The following ZNF280C variants were observed in gnomAD, a reference collection of about 807,000 sequenced individuals.
The protein encoded by ZNF280C is zinc finger protein 280C, also known as suppressor of hairy wing homolog 3.
A neutral mutation model predicts 53.6 loss-of-function variants in ZNF280C; 14 were observed. The observed-to-expected ratio is 0.26, with a 90% CI of 0.17 to 0.41. The LOEUF is 0.41. ZNF280C is among the 10% of genes least tolerant of loss of function. The probability of loss-of-function intolerance (pLI) is 1.00; values close to 1 mark genes in which losing one functional copy is unlikely to be tolerated. For synonymous variants in ZNF280C, 203 were observed against 181.1 expected (o/e 1.12, Z -0.97); for missense variants, 416 against 547.1 (o/e 0.76, Z 2.39).
At chrX:130,246,145 C>G (rs2032447951) in intron 3 of ZNF280C, among the ~76,000 whole-genome samples, 1 of 112,382 alleles carries the variant, frequency 8.9e-6, no homozygotes, top group Non-Finnish European at 1.9e-5. Flanking sequence ...ATTACTCTAA[C>G]AGAAATCTAA....
chrX:130,236,191 T>A (rs762054220), intron 8 of ZNF280C, 23 bp downstream of exon 8: 5 of 1,069,152 alleles, frequency 4.7e-6, no homozygotes, highest in South Asian at 4.1e-5. Flanking sequence ...TTTTTAACAA[T>A]TGAACTTTGA....
At chrX:130,242,075 T>C (rs754970705) in intron 5 of ZNF280C, among the ~76,000 whole-genome samples, 1 of 105,739 alleles carries the variant, frequency 9.5e-6, no homozygotes, top group East Asian at 3.0e-4. Context: ...AAACCCTGTC[T>C]CTACTAAAAA....
At chrX:130,243,963 G>T in intron 3 of ZNF280C, 98 bp from the exon 4 acceptor site, 1 of 528,339 alleles carries the variant, frequency 1.9e-6, no homozygotes, top group Non-Finnish European at 2.8e-6. Flanking sequence ...ACCAATAATT[G>T]AAGTATATTT....
intron 2 of ZNF280C, among the ~76,000 whole-genome samples, chrX:130,249,518 T>C (rs1352685933): frequency 8.9e-6 from 1 of 112,078 alleles, no homozygotes; most frequent in Non-Finnish European, 1.9e-5. Flanking sequence ...ATATCAGTCC[T>C]ACAAAATTAG....
chrX:130,203,169 A>C lies in ZNF280C; in HGVS notation c.*1808T>G, dbSNP rs902809723. On this transcript the variant is annotated 3_prime_UTR_variant, in exon 19 of 19. Coordinates refer to ENST00000370978, the MANE Select transcript of ZNF280C (RefSeq NM_017666.5). Reference sequence around the variant, plus strand: ...CTACACGAAATCTGTAGACAATTCTAAGAAATGTCTTGGAGTTTGTAATAA... The same window carrying C: ...CTACACGAAATCTGTAGACAATTCTCAGAAATGTCTTGGAGTTTGTAATAA... 1 of 111,704 alleles carries C rather than the reference A, an allele frequency of 9.0e-6. No homozygotes were observed. Among genetic ancestry groups the C allele is most frequent in the Non-Finnish European group, 1.9e-5 (1 of 53,166 alleles). 9.2% of individuals were successfully genotyped at this position (111,704 alleles called of 1,213,427 possible).
intron 2 of ZNF280C, among the ~76,000 whole-genome samples, chrX:130,251,436 A>G (rs779393175): frequency 9.0e-6 from 1 of 111,075 alleles, no homozygotes; most frequent in South Asian, 3.8e-4. Flanking sequence ...ACAATACAAA[A>G]ACAAAAGAAA....
intron 1 of ZNF280C, among the ~76,000 whole-genome samples, chrX:130,268,181 G>C (rs769942161): frequency 1.8e-4 from 20 of 111,443 alleles, no homozygotes; most frequent in Non-Finnish European, 3.8e-4. Flanking sequence ...TAACGGAATA[G>C]AGCACGATTT....
chrX:130,238,995 T>C (rs185273127), intron 6 of ZNF280C, among the ~76,000 whole-genome samples: 3 of 111,608 alleles, frequency 2.7e-5, no homozygotes, highest in Non-Finnish European at 3.8e-5. Context: ...TGAAGAACTT[T>C]GTTATGGTGG....
intron 1 of ZNF280C, among the ~76,000 whole-genome samples, chrX:130,263,513 A>G (rs2032652911): frequency 2.7e-5 from 3 of 111,994 alleles, no homozygotes; most frequent in Non-Finnish European, 3.8e-5. Context: ...TCAAATCCAT[A>G]GACAGAAAGT....
rs2031961778 is a variant in ZNF280C at position 130,205,400 on chromosome X, C to A, written c.2058G>T (p.Val686=). ...HSGTLRGITL[V]CLKCDFLADS... is the part of the protein sequence containing the mutation. ...CAGCTAGGAAATCACATTTAAGGCA[C>A]ACTAGAGTAATGCCCCTATGAAAAA... The change falls in exon 17 of 19, where the codon GTG becomes GTT. Residue 686 remains valine (V), a synonymous_variant. Transcript: ENST00000370978. 8.4e-7 allele frequency: 1 copy of A among 1,186,442 alleles called. No individual in the cohort carries two copies. Among genetic ancestry groups the A allele is most frequent in the Admixed American group, 2.3e-5 (1 of 44,169 alleles).
chrX:130,204,776 G>T lies in ZNF280C; in HGVS notation c.*201C>A. Reference sequence around the variant, plus strand: ...CCAACTGGAGAAAAAAATATGTTAAGATATGTTAACCTGACGCAAAGATAA... The same window carrying T: ...CCAACTGGAGAAAAAAATATGTTAATATATGTTAACCTGACGCAAAGATAA... On this transcript the variant is annotated 3_prime_UTR_variant, in exon 19 of 19. Transcript: ENST00000370978. 3.0e-6 allele frequency: 1 copy of T among 331,223 alleles called. No homozygotes were observed. Among genetic ancestry groups the T allele is most frequent in the Non-Finnish European group, 5.3e-6 (1 of 187,942 alleles). The allele number at this position is 331,223 out of a possible 1,213,427, so 27.3% of individuals were successfully genotyped here.
At position 130,227,672 on chromosome X, in the gene ZNF280C, G is replaced by A; in HGVS notation, c.1248+10C>T. ...CAAACACTTAACTACACAATAAAATGTGTGTGTACCTGGCAAACATATGGC... is the reference window on the plus strand; with the variant it reads ...CAAACACTTAACTACACAATAAAATATGTGTGTACCTGGCAAACATATGGC... On this transcript the variant is annotated intron_variant, in intron 11 of 18. Coordinates refer to ENST00000370978, the MANE Select transcript of ZNF280C (RefSeq NM_017666.5). 4 of 1,116,502 alleles carry A rather than the reference G, an allele frequency of 3.6e-6. No individual in the cohort carries two copies. Among genetic ancestry groups the A allele is most frequent in the Non-Finnish European group, 3.7e-6 (3 of 809,742 alleles). 92.0% of individuals were successfully genotyped at this position (1,116,502 alleles called of 1,213,427 possible).
chrX:130,247,747 T>G (rs1030587875), intron 2 of ZNF280C, among the ~76,000 whole-genome samples: 4 of 110,044 alleles, frequency 3.6e-5, no homozygotes, highest in African/African-American at 1.3e-4. Context: ...GGAGATAAAC[T>G]AAGAATAAGA....
chrX:130,263,755 G>A (rs750825027), intron 1 of ZNF280C, among the ~76,000 whole-genome samples: 8 of 111,255 alleles, frequency 7.2e-5, no homozygotes, highest in Admixed American at 4.8e-4. Context: ...GGCCAGGTGC[G>A]GTGGCTTATG....
At chrX:130,223,830 G>T (rs1314903175) in intron 12 of ZNF280C, among the ~76,000 whole-genome samples, 1 of 112,053 alleles carries the variant, frequency 8.9e-6, no homozygotes, top group Non-Finnish European at 1.9e-5. Flanking sequence ...AAACCATAGA[G>T]TCAATAATTC....
At chrX:130,233,826 G>C (rs1012320853) in intron 8 of ZNF280C, among the ~76,000 whole-genome samples, 71 of 109,289 alleles carry the variant, frequency 6.5e-4, no homozygotes, top group African/African-American at 2.3e-3. Context: ...GATTTTTATA[G>C]GTCAATCATA....
chrX:130,235,636 T>A (rs1337070055), intron 8 of ZNF280C, among the ~76,000 whole-genome samples: 1 of 112,696 alleles, frequency 8.9e-6, no homozygotes, highest in Non-Finnish European at 1.9e-5. Flanking sequence ...TGTGATATTT[T>A]AAGTGCACAG....
chrX:130,255,681 G>A (rs1426291285), intron 2 of ZNF280C, among the ~76,000 whole-genome samples: 2 of 112,080 alleles, frequency 1.8e-5, no homozygotes, highest in African/African-American at 6.5e-5. Context: ...GTGGCTGAGT[G>A]TGGTGGCCCA....
At chrX:130,255,419 C>A (rs1310547290) in intron 2 of ZNF280C, among the ~76,000 whole-genome samples, 1 of 104,650 alleles carries the variant, frequency 9.6e-6, no homozygotes, top group African/African-American at 3.5e-5. Flanking sequence ...GGATTACAGG[C>A]GTGAGCCACC....
Sources: allele counts gnomAD v4.1 joint callset (sites outside exome capture counted in the v4.1 genomes callset), GRCh38; gene constraint gnomAD v4.1.1; transcripts MANE v1.5; gene names NCBI Gene and HGNC (gene_info 2026-07-23, HGNC 2026-07-21).